Variants in CDH18 observed in about 807,000 individuals in gnomAD.
CDH18 encodes cadherin-18.
A neutral mutation model predicts 67.9 loss-of-function variants in CDH18; 31 were observed. The observed-to-expected ratio is 0.46, with a 90% CI of 0.34 to 0.62. The LOEUF is 0.62. CDH18 is among the 20% of genes least tolerant of loss of function. The pLI is 0.01. For missense variants in CDH18, 890 were observed against 975.5 expected, an observed-to-expected ratio of 0.91 and a Z score of 1.17; for synonymous variants, 362 against 347.2, an observed-to-expected ratio of 1.04 and a Z score of -0.48.
intron 5 of CDH18, among the ~76,000 whole-genome samples, chr5:19,617,303 A>C (rs1749996008): frequency 6.6e-6 from 1 of 152,204 alleles, no homozygotes; most frequent in Non-Finnish European, 1.5e-5. Flanking sequence ...GATAGAATAA[A>C]CTATATAGAC....
intron 2 of CDH18, among the ~76,000 whole-genome samples, chr5:20,252,090 T>C (rs1244886333): frequency 6.6e-6 from 1 of 152,058 alleles, no homozygotes; most frequent in East Asian, 1.9e-4. Flanking sequence ...GGCAACTGTA[T>C]ATAAAAAATA....
chr5:19,912,566 G>A (rs1324255483), intron 2 of CDH18, among the ~76,000 whole-genome samples: 1 of 152,214 alleles, frequency 6.6e-6, no homozygotes, highest in South Asian at 2.1e-4. Context: ...TCCCATGAAT[G>A]TTATTCCATT....
intron 3 of CDH18, among the ~76,000 whole-genome samples, chr5:19,837,376 C>G (rs1377298273): frequency 1.3e-5 from 2 of 151,770 alleles, no homozygotes; most frequent in Non-Finnish European, 2.9e-5. Flanking sequence ...CCTGCATATT[C>G]TGCACATGTA....
chr5:20,010,640 C>T (rs977546685), intron 2 of CDH18, among the ~76,000 whole-genome samples: 8 of 152,124 alleles, frequency 5.3e-5, no homozygotes, highest in African/African-American at 1.7e-4. Flanking sequence ...TTTTCTGTAA[C>T]ATTAACCATA....
intron 2 of CDH18, among the ~76,000 whole-genome samples, chr5:20,080,303 T>A (rs1744340647): frequency 6.6e-6 from 1 of 152,190 alleles, no homozygotes; most frequent in African/African-American, 2.4e-5. Flanking sequence ...AACATCTTTT[T>A]TTGTTGCACC....
intron 4 of CDH18, among the ~76,000 whole-genome samples, chr5:19,729,199 A>T (rs1767266266): frequency 1.5e-5 from 1 of 64,608 alleles, no homozygotes; most frequent in East Asian, 5.3e-4. Context: ...ATTCTGTTCC[A>T]TAAATGGAAA....
chr5:19,712,855 C>G (rs1764879589), intron 5 of CDH18, among the ~76,000 whole-genome samples: 1 of 151,480 alleles, frequency 6.6e-6, no homozygotes, highest in Non-Finnish European at 1.5e-5. Context: ...TCTAGGGAAT[C>G]AATGGGATTG....
chr5:20,550,689 C>G (rs1757583263), intron 1 of CDH18, among the ~76,000 whole-genome samples: 1 of 152,176 alleles, frequency 6.6e-6, no homozygotes, highest in Non-Finnish European at 1.5e-5. Flanking sequence ...ATGTAGAGCT[C>G]TTTAGCCACT....
At chr5:19,926,316 A>C (rs1793085665) in intron 2 of CDH18, among the ~76,000 whole-genome samples, 1 of 152,188 alleles carries the variant, frequency 6.6e-6, no homozygotes, top group African/African-American at 2.4e-5. Context: ...AATGTCAAAT[A>C]TGTTTTATAA....
At chr5:19,948,325 A>G (rs912806233) in intron 2 of CDH18, among the ~76,000 whole-genome samples, 5 of 152,200 alleles carry the variant, frequency 3.3e-5, no homozygotes, top group African/African-American at 1.2e-4. Context: ...AATGTTTATA[A>G]TAAGTCAAAA....
At chr5:20,431,713 A>C (rs1157357695) in intron 1 of CDH18, among the ~76,000 whole-genome samples, 1 of 151,936 alleles carries the variant, frequency 6.6e-6, no homozygotes, top group East Asian at 1.9e-4. Context: ...CAGCCTATAA[A>C]AGTTCTCTGT....
intron 2 of CDH18, among the ~76,000 whole-genome samples, chr5:20,056,454 A>ATTTTTTTTTTTTTTTTTTTTTTTTTT (rs1194617405): frequency 6.1e-5 from 1 of 16,448 alleles, no homozygotes; most frequent in African/African-American, 2.6e-4. Flanking sequence ...TTTTTTTATT[A>ATTTTTTTTTTTTTTTTTTTTTTTTTT]TTTTTCTTTA....
intron 9 of CDH18, among the ~76,000 whole-genome samples, chr5:19,524,607 A>T (rs1342430330): frequency 6.6e-6 from 1 of 152,266 alleles, no homozygotes; most frequent in African/African-American, 2.4e-5. Flanking sequence ...TCTACATATC[A>T]TAAAAGATTT....
At chr5:20,499,605 G>A (rs1233751583) in intron 1 of CDH18, among the ~76,000 whole-genome samples, 1 of 151,972 alleles carries the variant, frequency 6.6e-6, no homozygotes, top group East Asian at 1.9e-4. Flanking sequence ...GCCTTAATTT[G>A]TCATTTTGAA....
chr5:19,514,608 AT>A lies in CDH18; in HGVS notation c.1512+6048del, dbSNP rs1390954831. Among the ~76,000 whole-genome samples, 27 of 152,246 alleles carry A rather than the reference AT, an allele frequency of 1.8e-4. No individual in the cohort carries two copies. In the East Asian group the frequency reaches 4.1e-3, roughly 23 times the overall value. On this transcript the variant is annotated intron_variant, in intron 10 of 12. Coordinates refer to ENST00000382275, the MANE Select transcript of CDH18 (RefSeq NM_004934.5). The stretch of plus-strand genomic sequence containing the variant: ...TCTCTGATGACCAGTGATGATGAGC[AT>A]TTTTTCATGCGTCTGTTGGCTGCAT...
At chr5:19,929,253 CT>C (rs1793426358) in intron 2 of CDH18, among the ~76,000 whole-genome samples, 1 of 151,972 alleles carries the variant, frequency 6.6e-6, no homozygotes, top group Admixed American at 6.6e-5. Context: ...AAAGACAGGC[CT>C]TTTAATCAAA....
intron 2 of CDH18, among the ~76,000 whole-genome samples, chr5:20,123,756 T>C (rs1368980815): frequency 6.6e-6 from 1 of 151,754 alleles, no homozygotes; most frequent in African/African-American, 2.4e-5. Flanking sequence ...GGTGTGGTGG[T>C]GGGCACCTGT....
At chr5:20,271,082 A>G (rs1456837323) in intron 1 of CDH18, among the ~76,000 whole-genome samples, 1 of 152,096 alleles carries the variant, frequency 6.6e-6, no homozygotes, top group Admixed American at 6.6e-5. Context: ...GCAAACTTCC[A>G]TGACACAGTT....
intron 3 of CDH18, among the ~76,000 whole-genome samples, chr5:19,776,991 G>A (rs2149765465): frequency 6.6e-6 from 1 of 152,188 alleles, no homozygotes; most frequent in East Asian, 1.9e-4. Context: ...CAAGTGTTGA[G>A]AAAGAAAATG....
Sources: gnomAD v4.1 joint callset for allele counts (sites outside exome capture counted in the v4.1 genomes callset) on GRCh38, gnomAD v4.1.1 for gene constraint, MANE v1.5 for transcripts, NCBI Gene and HGNC (gene_info 2026-07-23, HGNC 2026-07-21) for gene names.